Variants in SLC35F4 observed in about 807,000 individuals in gnomAD.
The protein encoded by SLC35F4 is chromosome 14 open reading frame 36.
In SLC35F4, 24 loss-of-function variants were observed where a neutral mutation model predicts 44.2. The observed-to-expected ratio is 0.54, with a 90% CI of 0.39 to 0.76. SLC35F4 has a LOEUF of 0.76. Among genes scored for constraint, SLC35F4 ranks in the 30% least tolerant of loss-of-function variants. The pLI, the probability that SLC35F4 is intolerant of heterozygous loss-of-function variation, is 0.00. For missense variants in SLC35F4, 562 were observed against 586.1 expected, an observed-to-expected ratio of 0.96 and a Z score of 0.42; for synonymous variants, 238 against 223.6, an observed-to-expected ratio of 1.06 and a Z score of -0.57.
chr14:57,870,664 A>C (rs1158554365), upstream of SLC35F4, among the ~76,000 whole-genome samples: 1 of 152,204 alleles, frequency 6.6e-6, no homozygotes, highest in Non-Finnish European at 1.5e-5. Flanking sequence ...GTTAAGTGAG[A>C]TCACATATTA....
Position 57,685,314 on chromosome 14 carries a change from G to C in SLC35F4, c.104-91190C>G, listed in dbSNP as rs140868726. Among the ~76,000 whole-genome samples, 5 of 152,222 alleles carry C rather than the reference G, an allele frequency of 3.3e-5. No individual in the cohort carries two copies. The East Asian group carries it at 9.7e-4, about 29-fold the overall frequency. On this transcript the variant is annotated intron_variant, in intron 1 of 7. Transcript: ENST00000556826. ...TCAATCAGGTAAGGCCTTAGAGAAA[G>C]GGTAGAGTACTTGACTTCACCATCA...
chr14:57,647,509 C>G (rs1488955922), intron 1 of SLC35F4, among the ~76,000 whole-genome samples: 1 of 152,106 alleles, frequency 6.6e-6, no homozygotes, highest in East Asian at 1.9e-4. Context: ...AATGCTTGAA[C>G]TGCACTGTAA....
intron 1 of SLC35F4, among the ~76,000 whole-genome samples, chr14:57,798,704 C>CTGTAATT (rs2078113556): frequency 6.6e-6 from 1 of 152,174 alleles, no homozygotes; most frequent in African/African-American, 2.4e-5. Context: ...AGGAAATGTG[C>CTGTAATT]ACATATCTGT....
intron 1 of SLC35F4, among the ~76,000 whole-genome samples, chr14:57,734,088 G>C (rs1340119722): frequency 6.6e-6 from 1 of 152,072 alleles, no homozygotes; most frequent in Non-Finnish European, 1.5e-5. Context: ...ACTAAAATTG[G>C]GGGGAAAGCT....
chr14:57,577,229 G>A (rs771725103), intron 4 of SLC35F4, among the ~76,000 whole-genome samples: 2 of 152,134 alleles, frequency 1.3e-5, no homozygotes, highest in East Asian at 1.9e-4. Flanking sequence ...GGCCCAATTT[G>A]AATTCAAAGA....
At chr14:57,868,364 A>G (rs1440595740), upstream of SLC35F4, among the ~76,000 whole-genome samples, 1 of 152,354 alleles carries the variant, frequency 6.6e-6, no homozygotes, top group African/African-American at 2.4e-5. Context: ...GTCAAAGGTA[A>G]ATTTCTGCTA....
intron 4 of SLC35F4, among the ~76,000 whole-genome samples, chr14:57,573,067 A>G (rs1366138668): frequency 2.0e-5 from 3 of 152,240 alleles, no homozygotes; most frequent in Non-Finnish European, 2.9e-5. Flanking sequence ...CAGTAAAGAA[A>G]TTCCCAAGTA....
At chr14:57,903,064 G>T (rs566445170) in intron 1 of SLC35F4, among the ~76,000 whole-genome samples, 1 of 152,278 alleles carries the variant, frequency 6.6e-6, no homozygotes, top group South Asian at 2.1e-4. Flanking sequence ...AAGAAGGCAA[G>T]CTCCATGAGG....
At chr14:57,634,860 A>G (rs1441689259) in intron 1 of SLC35F4, among the ~76,000 whole-genome samples, 1 of 152,138 alleles carries the variant, frequency 6.6e-6, no homozygotes, top group Admixed American at 6.5e-5. Flanking sequence ...ACAAGTAGCT[A>G]GGGCTGAAAC....
At chr14:57,673,547 G>T (rs1184105267) in intron 1 of SLC35F4, among the ~76,000 whole-genome samples, 1 of 152,020 alleles carries the variant, frequency 6.6e-6, no homozygotes, top group East Asian at 1.9e-4. Flanking sequence ...AAAATTTGAA[G>T]AAGATAGAAA....
At chr14:57,827,232 A>T (rs1009684866) in intron 1 of SLC35F4, among the ~76,000 whole-genome samples, 2 of 152,198 alleles carry the variant, frequency 1.3e-5, no homozygotes, top group African/African-American at 4.8e-5. Context: ...GCTGGAAGCC[A>T]TTATCCTCAG....
intron 1 of SLC35F4, among the ~76,000 whole-genome samples, chr14:57,766,871 CAG>C (rs879722204): frequency 6.6e-6 from 1 of 152,078 alleles, no homozygotes; most frequent in Non-Finnish European, 1.5e-5. Flanking sequence ...AATCAAAAGA[CAG>C]AGAGTGATAG....
intron 1 of SLC35F4, among the ~76,000 whole-genome samples, chr14:57,836,767 A>G (rs1884977008): frequency 6.6e-6 from 1 of 152,124 alleles, no homozygotes; most frequent in South Asian, 2.1e-4. Context: ...CAGCACACAC[A>G]CAAGCACACC....
At chr14:57,641,183 C>T (rs879626201) in intron 1 of SLC35F4, among the ~76,000 whole-genome samples, 29 of 149,348 alleles carry the variant, frequency 1.9e-4, no homozygotes, top group Middle Eastern at 3.6e-3. Context: ...TCAAAAGCAC[C>T]TATTGCATCC....
intron 6 of SLC35F4, 92 bp from the exon 7 acceptor site, chr14:57,566,656 A>G (rs2068223014): frequency 9.4e-6 from 12 of 1,274,010 alleles, no homozygotes; most frequent in Non-Finnish European, 1.2e-5. Context: ...TCTTTGCTAC[A>G]TGTGCCTTTT....
intron 1 of SLC35F4, among the ~76,000 whole-genome samples, chr14:57,656,728 C>T (rs2073985285): frequency 6.6e-6 from 1 of 152,112 alleles, no homozygotes; most frequent in East Asian, 1.9e-4. Context: ...ATATAATACA[C>T]ATATATTTAT....
intron 1 of SLC35F4, among the ~76,000 whole-genome samples, chr14:57,926,727 G>C (rs76832591): frequency 3.6e-4 from 4 of 11,236 alleles, no homozygotes; most frequent in Non-Finnish European, 5.2e-4. Flanking sequence ...AGTAGGGTTG[G>C]GGGGGGGGGG....
At chr14:57,787,686 CT>C (rs914975067) in intron 1 of SLC35F4, among the ~76,000 whole-genome samples, 1 of 152,132 alleles carries the variant, frequency 6.6e-6, no homozygotes, top group Non-Finnish European at 1.5e-5. Context: ...GAAAGATAGT[CT>C]TTTCCAGCCA....
chr14:57,792,934 T>C (rs189338881), intron 1 of SLC35F4, among the ~76,000 whole-genome samples: 7 of 152,116 alleles, frequency 4.6e-5, no homozygotes, highest in Non-Finnish European at 7.4e-5. Flanking sequence ...AAAAATTAAA[T>C]CATATAAACC....
Sources: gnomAD v4.1 joint callset for allele counts (sites outside exome capture counted in the v4.1 genomes callset) on GRCh38, gnomAD v4.1.1 for gene constraint, MANE v1.5 for transcripts, NCBI Gene and HGNC (gene_info 2026-07-23, HGNC 2026-07-21) for gene names.